SCARB2: variants seen among roughly 807,000 people sequenced by gnomAD.
SCARB2 encodes the protein lysosome membrane protein 2.
A neutral mutation model predicts 58.6 loss-of-function variants in SCARB2; 29 were observed. The ratio of observed to expected loss-of-function variants is 0.49; its 90% CI spans 0.37 to 0.67. The LOEUF is 0.67. SCARB2 is among the 30% of genes least tolerant of loss of function. The probability of loss-of-function intolerance (pLI) is 0.00; values close to 1 mark genes in which losing one functional copy is unlikely to be tolerated. For missense variants in SCARB2, 488 were observed against 578.5 expected (o/e 0.84, Z 1.60); for synonymous variants, 195 against 210.1 (o/e 0.93, Z 0.62).
chr4:76,221,048 TAA>T (rs1351731748), intron 1 of SCARB2, among the ~76,000 whole-genome samples: 1 of 152,192 alleles, frequency 6.6e-6, no homozygotes, highest in African/African-American at 2.4e-5. Context: ...TCAACTCCTG[TAA>T]AGAGTCAGCT....
chr4:76,184,799 A>ATTTT (rs750605866), intron 2 of SCARB2: 3 of 364,414 alleles, frequency 8.2e-6, no homozygotes, highest in Admixed American at 7.2e-5. Context: ...AAAAAAAAAA[A>ATTTT]TTTTAATTTA....
intron 9 of SCARB2, among the ~76,000 whole-genome samples, chr4:76,167,358 TGG>T (rs1217615456): frequency 7.9e-5 from 12 of 152,088 alleles, no homozygotes; most frequent in Admixed American, 7.9e-4. Context: ...GACTGGATCA[TGG>T]GGGTGGATTT....
At chr4:76,178,490 G>A (rs535532157) in intron 4 of SCARB2, among the ~76,000 whole-genome samples, 2 of 152,310 alleles carry the variant, frequency 1.3e-5, no homozygotes, top group East Asian at 3.9e-4. Flanking sequence ...CTTGGCTGAT[G>A]GATTGAAGCC....
chr4:76,206,151 T>C (rs1732927009), intron 1 of SCARB2, among the ~76,000 whole-genome samples: 1 of 152,110 alleles, frequency 6.6e-6, no homozygotes, highest in African/African-American at 2.4e-5. Flanking sequence ...GAGAAGACCA[T>C]AATCTATGAG....
chr4:76,161,949 C>G, intron 11 of SCARB2, 198 bp from the exon 12 acceptor site: 1 of 640,794 alleles, frequency 1.6e-6, no homozygotes, highest in Admixed American at 2.2e-5. Flanking sequence ...GAGGCCTTCT[C>G]TGACCACTCC....
chr4:76,203,276 A>C (rs548277466), intron 1 of SCARB2, among the ~76,000 whole-genome samples: 82 of 152,326 alleles, frequency 5.4e-4, no homozygotes, highest in African/African-American at 1.9e-3. Flanking sequence ...CACCTGGCCC[A>C]AATCAGTGAA....
chr4:76,174,976 G>A (rs1732222009), intron 6 of SCARB2: 1 of 153,396 alleles, frequency 6.5e-6, no homozygotes. Context: ...TCACCACTGA[G>A]CCTTCAGCCC....
chr4:76,200,822 T>G lies in SCARB2; in HGVS notation c.118-4958A>C, dbSNP rs1732814515. On this transcript the variant is annotated intron_variant, in intron 1 of 11. Coordinates refer to ENST00000264896, the MANE Select transcript of SCARB2 (RefSeq NM_005506.4). ...ATCACTAAGTCCTGCTGATTTCACC[T>G]CCTCCTCTTCCCCATTTCTACCCCA... is the stretch of plus-strand genomic sequence containing the variant. Among the ~76,000 whole-genome samples, 4 of 152,104 alleles carry G rather than the reference T, an allele frequency of 2.6e-5. No individual in the cohort carries two copies. In the South Asian group the frequency reaches 6.2e-4, roughly 24 times the overall value.
At chr4:76,181,791 C>T (rs545318121) in intron 2 of SCARB2, among the ~76,000 whole-genome samples, 1 of 152,210 alleles carries the variant, frequency 6.6e-6, no homozygotes, top group African/African-American at 2.4e-5. Flanking sequence ...GTCTTGAACT[C>T]CTGGACTCAA....
Position 76,213,593 on chromosome 4 carries a change from A to G in SCARB2, c.-50T>C, listed in dbSNP as rs1370310622. On this transcript the variant is annotated 5_prime_UTR_variant, in exon 1 of 12. Coordinates refer to ENST00000264896, the MANE Select transcript of SCARB2 (RefSeq NM_005506.4). The stretch of plus-strand genomic sequence containing the variant: ...CCGGGCCGCACCCGCCAGGGATCCA[A>G]CTGCAAGGAGGGAGGAGCCGCCGCA... The G allele has an allele frequency of 2.0e-6, 3 of 1,491,782 alleles. No individual in the cohort carries two copies. Among genetic ancestry groups the G allele is most frequent in the Non-Finnish European group, 2.8e-6 (3 of 1,075,062 alleles). 92.4% of individuals were successfully genotyped at this position (1,491,782 alleles called of 1,614,324 possible). A position where few individuals can be genotyped will look rare whatever the true frequency, so the allele number is the denominator to read the frequency against.
At chr4:76,181,292 G>C (rs1732379038) in intron 2 of SCARB2, among the ~76,000 whole-genome samples, 191 bp from the exon 3 acceptor site, 1 of 152,192 alleles carries the variant, frequency 6.6e-6, no homozygotes, top group Non-Finnish European at 1.5e-5. Context: ...CGAGGCCTAG[G>C]ATAGAGTCTT....
Position 76,179,513 on chromosome 4 carries a change from T to C in SCARB2, c.612+4A>G, listed in dbSNP as rs1182123737. 4 of 1,609,010 alleles carry C rather than the reference T, an allele frequency of 2.5e-6. No individual in the cohort carries two copies. The South Asian group carries it at 3.3e-5, about 13-fold the overall frequency. The stretch of plus-strand genomic sequence containing the variant: ...AGAGGTTCTGAAAAGAAAAATCTAC[T>C]TACCTCATAGAATAGGCCAAAATAG... On this transcript the variant is annotated splice_donor_region_variant and intron_variant, in intron 4 of 11. Transcript: ENST00000264896.
chr4:76,206,786 A>C (rs946123029), intron 1 of SCARB2, among the ~76,000 whole-genome samples: 1 of 151,688 alleles, frequency 6.6e-6, no homozygotes, highest in Middle Eastern at 3.2e-3. Flanking sequence ...TCAATTATGG[A>C]GATATGAATG....
exon 1 of SCARB2, chr4:76,234,517 G>C (rs1351158446): frequency 2.0e-5 from 3 of 152,172 alleles, no homozygotes; most frequent in Non-Finnish European, 4.4e-5. Flanking sequence ...CTGCTTTACG[G>C]TTGGAATCCT....
At chr4:76,186,382 C>T (rs1400581910) in intron 2 of SCARB2, among the ~76,000 whole-genome samples, 3 of 151,976 alleles carry the variant, frequency 2.0e-5, no homozygotes, top group South Asian at 2.1e-4. Flanking sequence ...CAGATCCAGG[C>T]GAGGCTGGGG....
intron 10 of SCARB2, chr4:76,163,939 A>G (rs1731949444): frequency 6.3e-6 from 1 of 158,334 alleles, no homozygotes; most frequent in South Asian, 1.9e-4. Flanking sequence ...TTAAATGAAT[A>G]AATAAATGAA....
chr4:76,225,783 G>A (rs1733387131), intron 1 of SCARB2, among the ~76,000 whole-genome samples: 1 of 152,170 alleles, frequency 6.6e-6, no homozygotes, highest in Non-Finnish European at 1.5e-5. Context: ...GTTGGATCCA[G>A]TTAGCTAGTA....
chr4:76,184,172 C>G (rs1732440969), intron 2 of SCARB2, among the ~76,000 whole-genome samples: 2 of 152,174 alleles, frequency 1.3e-5, no homozygotes, highest in Admixed American at 1.3e-4. Context: ...GCTGGGGACA[C>G]AGAGCACAGG....
At chr4:76,174,558 A>G (rs1273792676) in intron 6 of SCARB2, 9 of 480,982 alleles carry the variant, frequency 1.9e-5, no homozygotes, top group Non-Finnish European at 3.4e-5. Flanking sequence ...TATGTGGTAC[A>G]AAATTAAGAT....
Sources: allele counts gnomAD v4.1 joint callset (sites outside exome capture counted in the v4.1 genomes callset), GRCh38; gene constraint gnomAD v4.1.1; transcripts MANE v1.5; gene names NCBI Gene and HGNC (gene_info 2026-07-23, HGNC 2026-07-21).